The following RGL1 variants were observed in gnomAD, a reference collection of about 807,000 sequenced individuals.
RGL1 encodes ral guanine nucleotide dissociation stimulator like 1.
A neutral mutation model predicts 95.2 loss-of-function variants in RGL1; 24 were observed. That is an observed-to-expected ratio of 0.25 (90% confidence interval 0.18 to 0.35). The LOEUF (loss-of-function observed/expected upper bound fraction) is 0.35. RGL1 is among the 10% of genes least tolerant of loss of function. The pLI, the probability that RGL1 is intolerant of heterozygous loss-of-function variation, is 1.00. For missense variants in RGL1, 715 were observed against 936.3 expected (o/e 0.76, Z 3.08); for synonymous variants, 329 against 344.9 (o/e 0.95, Z 0.51).
chr1:183,912,126 A>G lies in RGL1; in HGVS notation c.1607A>G (p.Lys536Arg). The G allele has an allele frequency of 6.2e-7, 1 of 1,614,056 alleles. No individual in the cohort carries two copies. Among genetic ancestry groups the G allele is most frequent in the Non-Finnish European group, 8.5e-7 (1 of 1,179,988 alleles). The change falls in exon 15 of 18, where the codon AAA becomes AGA. Residue 536 changes from lysine to arginine, a missense_variant. Transcript: ENST00000360851. ...ATGATCACCAGTCCCACTCCCACCAAAGAGCAGCCCAAGTCCACTGCCAGC... is the reference window on the plus strand; with the variant it reads ...ATGATCACCAGTCCCACTCCCACCAGAGAGCAGCCCAAGTCCACTGCCAGC... ...SDMITSPTPTKEQPKSTASGS... is the reference protein window; with the variant it reads ...SDMITSPTPTREQPKSTASGS...
chr1:183,758,503 A>T (rs1658484675), intron 2 of RGL1, among the ~76,000 whole-genome samples: 1 of 152,070 alleles, frequency 6.6e-6, no homozygotes, highest in African/African-American at 2.4e-5. Flanking sequence ...AGCCAACAAT[A>T]GAAATTTCTC....
At chr1:183,651,990 G>GT (rs373898762) in intron 1 of RGL1, among the ~76,000 whole-genome samples, 154 of 152,204 alleles carry the variant, frequency 1.0e-3, no homozygotes, top group African/African-American at 3.5e-3. Flanking sequence ...ACTTATGGGT[G>GT]GTACACCGGA....
chr1:183,721,641 C>G (rs143295974), intron 1 of RGL1, among the ~76,000 whole-genome samples: 203 of 152,306 alleles, frequency 1.3e-3, no homozygotes, highest in African/African-American at 4.7e-3. Context: ...TATACAAATG[C>G]GCACTCTAAT....
In RGL1 at chr1:183,666,168, G is replaced by T. The variant is rs61811216; in HGVS notation, c.-33+29667G>T. ...TTACAGGCATGCACCACCACACTCG[G>T]CTAATTTTGTATTTTTAGTAGAGAC... On this transcript the variant is annotated intron_variant, in intron 1 of 18. Coordinates refer to the RGL1 transcript ENST00000304685. 2.7e-3 allele frequency among the ~76,000 whole-genome samples: 413 copies of T among 151,774 alleles called. 5 individuals carry two copies. Among genetic ancestry groups the T allele is most frequent in the South Asian group, 0.014 (67 of 4,816 alleles).
chr1:183,719,779 G>T (rs1287962218), intron 1 of RGL1, among the ~76,000 whole-genome samples: 4 of 152,126 alleles, frequency 2.6e-5, no homozygotes, highest in Non-Finnish European at 5.9e-5. Flanking sequence ...GGTGGCGCAT[G>T]CCTGTAATTC....
intron 2 of RGL1, among the ~76,000 whole-genome samples, chr1:183,828,487 T>G (rs999499848): frequency 1.3e-5 from 2 of 152,186 alleles, no homozygotes; most frequent in African/African-American, 4.8e-5. Context: ...ATGGGGGGCC[T>G]GACCTACTCG....
At chr1:183,698,307 C>T (rs1654373013) in intron 1 of RGL1, among the ~76,000 whole-genome samples, 1 of 152,212 alleles carries the variant, frequency 6.6e-6, no homozygotes. Context: ...TGGCTTCCAA[C>T]TGTTGCTAGT....
intron 1 of RGL1, among the ~76,000 whole-genome samples, chr1:183,704,852 T>C (rs1572301074): frequency 6.6e-6 from 1 of 152,116 alleles, no homozygotes; most frequent in Non-Finnish European, 1.5e-5. Flanking sequence ...CTTTCAAGGG[T>C]GAGGATAGCA....
intron 1 of RGL1, among the ~76,000 whole-genome samples, chr1:183,695,882 G>GA (rs916707179): frequency 1.4e-4 from 20 of 145,748 alleles, no homozygotes; most frequent in Middle Eastern, 6.8e-3. Flanking sequence ...GTCCCCCACT[G>GA]AAAAAAAAAA....
chr1:183,803,109 TTACA>T (rs2102406100), upstream of RGL1, among the ~76,000 whole-genome samples: 1 of 152,344 alleles, frequency 6.6e-6, no homozygotes, highest in East Asian at 1.9e-4. Context: ...TTGTACAAAA[TTACA>T]TACATTGTGA....
At chr1:183,833,881 T>C (rs1663440146) in intron 2 of RGL1, among the ~76,000 whole-genome samples, 1 of 152,042 alleles carries the variant, frequency 6.6e-6, no homozygotes, top group Non-Finnish European at 1.5e-5. Context: ...TTTAGTTATA[T>C]AGTATTGATT....
At chr1:183,780,363 G>T (rs1229193210) in intron 2 of RGL1, among the ~76,000 whole-genome samples, 2 of 152,200 alleles carry the variant, frequency 1.3e-5, no homozygotes, top group Non-Finnish European at 2.9e-5. Flanking sequence ...GGCCCTCAGG[G>T]TAAACAAGCT....
intron 4 of RGL1, among the ~76,000 whole-genome samples, chr1:183,871,388 T>G (rs1050348897): frequency 2.0e-5 from 3 of 152,196 alleles, no homozygotes; most frequent in Admixed American, 1.3e-4. Context: ...CTCTTGTGAT[T>G]TCAGGTGGAA....
intron 3 of RGL1, among the ~76,000 whole-genome samples, chr1:183,863,328 TG>T (rs1484933993): frequency 6.6e-6 from 1 of 151,938 alleles, no homozygotes. Flanking sequence ...TTCCTTTTTT[TG>T]TTTTTTGTTT....
At chr1:183,865,073 A>G (rs1029485524) in intron 3 of RGL1, among the ~76,000 whole-genome samples, 3 of 152,222 alleles carry the variant, frequency 2.0e-5, no homozygotes, top group African/African-American at 7.2e-5. Context: ...TATTGATGGA[A>G]GGAGAAACTG....
chr1:183,913,837 A>T (rs1668806692), intron 15 of RGL1, among the ~76,000 whole-genome samples: 2 of 152,212 alleles, frequency 1.3e-5, no homozygotes, highest in Non-Finnish European at 1.5e-5. Context: ...TCAAACTGAG[A>T]TGACTAATTT....
intron 1 of RGL1, among the ~76,000 whole-genome samples, chr1:183,682,387 A>G (rs1203560031): frequency 6.6e-6 from 1 of 152,200 alleles, no homozygotes; most frequent in Non-Finnish European, 1.5e-5. Flanking sequence ...CATTGATTTC[A>G]AAGAACATCT....
chr1:183,668,278 G>GAGAAA (rs1572250480), intron 1 of RGL1, among the ~76,000 whole-genome samples: 1 of 152,076 alleles, frequency 6.6e-6, no homozygotes, highest in Admixed American at 6.6e-5. Context: ...GTCTGAGGAA[G>GAGAAA]TATTTCTCTT....
intron 1 of RGL1, chr1:183,742,041 AAGTCAAGC>A: frequency 9.4e-7 from 1 of 1,067,016 alleles, no homozygotes. Context: ...CACTAGTCAG[AAGTCAAGC>A]ATGATAATTT....
Sources: allele counts gnomAD v4.1 joint callset (sites outside exome capture counted in the v4.1 genomes callset), GRCh38; gene constraint gnomAD v4.1.1; transcripts MANE v1.5; gene names NCBI Gene and HGNC (gene_info 2026-07-23, HGNC 2026-07-21).